SLX4IP: variants seen among roughly 807,000 people sequenced by gnomAD.
SLX4IP encodes protein SLX4IP.
A neutral mutation model predicts 32.9 loss-of-function variants in SLX4IP; 34 were observed. The ratio of observed to expected loss-of-function variants is 1.03; its 90% CI spans 0.79 to 1.38. The LOEUF (loss-of-function observed/expected upper bound fraction) is 1.38. SLX4IP is among the 40% of genes most tolerant of loss of function. The pLI is 0.00. For synonymous variants in SLX4IP, 172 were observed against 171.7 expected, an observed-to-expected ratio of 1.00 and a Z score of -0.01; for missense variants, 444 against 479.0, an observed-to-expected ratio of 0.93 and a Z score of 0.68.
chr20:10,491,188 C>T (rs16991677), intron 2 of SLX4IP, among the ~76,000 whole-genome samples: 32,629 of 152,106 alleles, frequency 0.21, 3,621 homozygotes, highest in South Asian at 0.4. Flanking sequence ...AATGGCTAAT[C>T]GCATAAGGAA....
At chr20:10,569,693 C>A (rs188487344) in intron 4 of SLX4IP, among the ~76,000 whole-genome samples, 6 of 152,214 alleles carry the variant, frequency 3.9e-5, no homozygotes, top group East Asian at 1.9e-4. Flanking sequence ...ATGCCTGTGT[C>A]TCCTCTTATC....
At chr20:10,585,307 A>G (rs990741980) in intron 4 of SLX4IP, among the ~76,000 whole-genome samples, 2 of 151,794 alleles carry the variant, frequency 1.3e-5, no homozygotes, top group African/African-American at 4.8e-5. Flanking sequence ...TGATCTTTCA[A>G]CTCTCTTTTC....
chr20:10,608,437 G>A (rs1014072356), intron 6 of SLX4IP, among the ~76,000 whole-genome samples: 11 of 152,076 alleles, frequency 7.2e-5, no homozygotes, highest in South Asian at 4.2e-4. Context: ...AGGCCGAGGC[G>A]GGCGGATCAC....
At chr20:10,512,777 T>A (rs1347722528) in intron 2 of SLX4IP, among the ~76,000 whole-genome samples, 384 of 12,790 alleles carry the variant, frequency 0.03, 32 homozygotes, top group African/African-American at 0.091. Context: ...ACACACACAC[T>A]CTATATATAT....
chr20:10,572,345 T>C (rs970789447), intron 4 of SLX4IP, among the ~76,000 whole-genome samples: 6 of 152,206 alleles, frequency 3.9e-5, no homozygotes, highest in Non-Finnish European at 7.3e-5. Context: ...AAATACAATT[T>C]TCCTCTAATC....
At chr20:10,601,326 T>G (rs148649110) in intron 5 of SLX4IP, among the ~76,000 whole-genome samples, 2 of 152,310 alleles carry the variant, frequency 1.3e-5, no homozygotes, top group East Asian at 3.9e-4. Context: ...AAAACATTGA[T>G]AGGTCACATT....
intron 2 of SLX4IP, among the ~76,000 whole-genome samples, chr20:10,533,523 G>T (rs574387353): frequency 2.0e-5 from 3 of 151,550 alleles, no homozygotes; most frequent in East Asian, 3.9e-4. Context: ...TTACCATGTT[G>T]GTGAGGCTGG....
chr20:10,502,030 G>C (rs889634784), intron 2 of SLX4IP, among the ~76,000 whole-genome samples: 2 of 152,200 alleles, frequency 1.3e-5, no homozygotes, highest in East Asian at 3.9e-4. Flanking sequence ...ATTATTGGCA[G>C]ATTTTTCACT....
intron 6 of SLX4IP, among the ~76,000 whole-genome samples, chr20:10,603,123 G>A (rs2066862964): frequency 1.3e-5 from 2 of 152,180 alleles, no homozygotes; most frequent in African/African-American, 4.8e-5. Context: ...ATATAATATA[G>A]CTTAACTGAT....
intron 4 of SLX4IP, among the ~76,000 whole-genome samples, chr20:10,585,159 G>A (rs1028771211): frequency 1.3e-5 from 2 of 152,076 alleles, no homozygotes; most frequent in African/African-American, 4.8e-5. Flanking sequence ...CAGAACAGAT[G>A]TTTGTGTTTT....
At chr20:10,468,227 A>C (rs925113164) in intron 2 of SLX4IP, among the ~76,000 whole-genome samples, 60 of 152,190 alleles carry the variant, frequency 3.9e-4, no homozygotes, top group African/African-American at 1.4e-3. Flanking sequence ...CCTGCTCTGC[A>C]GAGCATCTTG....
intron 2 of SLX4IP, among the ~76,000 whole-genome samples, chr20:10,482,204 A>AT (rs1315879547): frequency 6.6e-6 from 1 of 151,858 alleles, no homozygotes; most frequent in Admixed American, 6.6e-5. Context: ...CGATTGATTG[A>AT]TTTTTTCCTG....
In SLX4IP at chr20:10,601,787, C is replaced by T. The variant is rs755713479; in HGVS notation, c.373C>T (p.Arg125Cys). The change falls in exon 6 of 8, where the codon CGT becomes TGT. Residue 125 changes from arginine to cysteine, a missense_variant. Physicochemically the swap from Arg to Cys is radical, Grantham distance 180. Coordinates refer to ENST00000334534, the MANE Select transcript of SLX4IP (RefSeq NM_001009608.3). ...TTGTGTCAGTCAGCTTGCATTCAGT[C>T]GTGATCTTTTAGCAAGTCAGAATGA... ...VVCVSQLAFS[R>C]DLLASQNEDL... 1.7e-5 allele frequency: 27 copies of T among 1,613,714 alleles called. No individual in the cohort carries two copies. The highest frequency in any genetic ancestry group is 4.0e-5 in the African/African-American group (3 of 74,896).
At chr20:10,583,798 A>G (rs1234554476) in intron 4 of SLX4IP, among the ~76,000 whole-genome samples, 1 of 152,238 alleles carries the variant, frequency 6.6e-6, no homozygotes, top group East Asian at 1.9e-4. Context: ...AGATTTGTTC[A>G]TTAGGTATTT....
intron 4 of SLX4IP, among the ~76,000 whole-genome samples, chr20:10,590,792 A>G (rs2066700722): frequency 6.6e-6 from 1 of 152,182 alleles, no homozygotes; most frequent in Non-Finnish European, 1.5e-5. Flanking sequence ...CTGAATACCT[A>G]TCTTCAAGCA....
Position 10,498,706 on chromosome 20 carries a change from G to A in SLX4IP, c.27+40475G>A, listed in dbSNP as rs376934074. Among the ~76,000 whole-genome samples the A allele has an allele frequency of 6.0e-5, 9 of 149,922 alleles. No individual in the cohort carries two copies. In the East Asian group the frequency reaches 9.8e-4, roughly 16 times the overall value. On this transcript the variant is annotated intron_variant, in intron 2 of 7. Transcript: ENST00000334534. ...TTTCTTTTTTTTTTTTTGTGGTGACGGAGTTTACAACTGGTGATTATACCT... is the reference window on the plus strand; with the variant it reads ...TTTCTTTTTTTTTTTTTGTGGTGACAGAGTTTACAACTGGTGATTATACCT...
intron 1 of SLX4IP, among the ~76,000 whole-genome samples, chr20:10,452,755 G>T (rs2065253857): frequency 6.6e-6 from 1 of 150,992 alleles, no homozygotes; most frequent in Admixed American, 6.6e-5. Context: ...GGAGGCTGAG[G>T]CAGGAGGATC....
intron 2 of SLX4IP, among the ~76,000 whole-genome samples, chr20:10,470,590 T>C (rs1363501117): frequency 6.6e-6 from 1 of 152,210 alleles, no homozygotes; most frequent in East Asian, 1.9e-4. Context: ...AACACTCACA[T>C]ACACACATGC....
chr20:10,498,042 T>G lies in SLX4IP; in HGVS notation c.27+39811T>G, dbSNP rs1385188821. Among the ~76,000 whole-genome samples the G allele has an allele frequency of 2.0e-5, 3 of 151,670 alleles. No homozygotes were observed. In the Admixed American group the frequency reaches 2.0e-4, roughly 10 times the overall value. ...TTTCATGTTTTAAAATCTTTCAGAT[T>G]GGGATACATCTATAATTCATGGATA... On this transcript the variant is annotated intron_variant, in intron 2 of 7. Coordinates refer to ENST00000334534, the MANE Select transcript of SLX4IP (RefSeq NM_001009608.3).
Sources: gnomAD v4.1 joint callset for allele counts (sites outside exome capture counted in the v4.1 genomes callset) on GRCh38, gnomAD v4.1.1 for gene constraint, MANE v1.5 for transcripts, NCBI Gene and HGNC (gene_info 2026-07-23, HGNC 2026-07-21) for gene names.